Variants in LOC400499 observed in about 807,000 individuals in gnomAD.
At chr16:11,497,294 G>T in the LOC400499 span, among the ~76,000 whole-genome samples, 73 of 152,330 alleles carry the variant, frequency 4.8e-4, no homozygotes, top group African/African-American at 1.8e-3. Context: ...TTTGTGAAAG[G>T]ACAGGGGTGT....
the LOC400499 span, among the ~76,000 whole-genome samples, chr16:11,397,420 C>T: frequency 3.3e-5 from 5 of 152,226 alleles, no homozygotes; most frequent in African/African-American, 9.6e-5. Flanking sequence ...ACTACAGGCA[C>T]GTGCCACCGT....
the LOC400499 span, chr16:11,446,879 G>A: frequency 2.7e-3 from 4,147 of 1,535,898 alleles, 6 homozygotes; most frequent in Middle Eastern, 3.4e-3. Flanking sequence ...TGCAGGAGGA[G>A]GCTCTGCGGG....
the LOC400499 span, chr16:11,417,797 A>G: frequency 5.0e-6 from 2 of 398,984 alleles, no homozygotes; most frequent in Non-Finnish European, 8.8e-6. Context: ...ATGCGTCCAG[A>G]ATGCTCGAAG....
At chr16:11,515,884 C>CCCCCCCCCCCCCCCCCCCAA in the LOC400499 span, 2 of 40,212 alleles carry the variant, frequency 5.0e-5, no homozygotes, top group Non-Finnish European at 1.2e-4. Flanking sequence ...CAGCCCAGCC[C>CCCCCCCCCCCCCCCCCCCAA]AGCCCAGCCT....
chr16:11,501,852 T>G, the LOC400499 span, among the ~76,000 whole-genome samples: 1 of 152,146 alleles, frequency 6.6e-6, no homozygotes, highest in African/African-American at 2.4e-5. Flanking sequence ...GCTTCTGGTC[T>G]CAGGCAGGAT....
At chr16:11,396,718 C>T in the LOC400499 span, 2 of 1,227,722 alleles carry the variant, frequency 1.6e-6, no homozygotes, top group Non-Finnish European at 2.0e-6. Context: ...ACAGGGGTGG[C>T]AGCTTCCTCT....
chr16:11,515,882 CCCAG>C, the LOC400499 span: 2 of 37,750 alleles, frequency 5.3e-5, no homozygotes, highest in Non-Finnish European at 6.4e-5. Flanking sequence ...CCCAGCCCAG[CCCAG>C]CCCAGCCTAG....
the LOC400499 span, chr16:11,384,836 T>A: frequency 8.1e-7 from 1 of 1,229,300 alleles, no homozygotes; most frequent in Non-Finnish European, 1.0e-6. Flanking sequence ...AAGGGGTGCA[T>A]CCCAAAGAGT....
At chr16:11,466,678 C>T in the LOC400499 span, among the ~76,000 whole-genome samples, 3 of 151,820 alleles carry the variant, frequency 2.0e-5, no homozygotes, top group Non-Finnish European at 4.4e-5. Flanking sequence ...CGTGAGCCAC[C>T]GCACCTGGCC....
chr16:11,462,222 C>G, the LOC400499 span: 4 of 1,534,090 alleles, frequency 2.6e-6, no homozygotes, highest in Non-Finnish European at 2.6e-6. Flanking sequence ...ACGGGGCTGC[C>G]CCCCGTCACC....
the LOC400499 span, among the ~76,000 whole-genome samples, chr16:11,502,937 T>TTTTTTTA: frequency 2.3e-4 from 34 of 146,322 alleles, no homozygotes; most frequent in African/African-American, 7.6e-4. Context: ...TTTTTTTTTT[T>TTTTTTTA]AAGAGACAGG....
At chr16:11,489,771 G>A in the LOC400499 span, among the ~76,000 whole-genome samples, 1 of 152,194 alleles carries the variant, frequency 6.6e-6, no homozygotes, top group Non-Finnish European at 1.5e-5. Flanking sequence ...AGGCAGAGAG[G>A]TGTATCTTCC....
the LOC400499 span, among the ~76,000 whole-genome samples, chr16:11,513,484 T>G: frequency 1.2e-4 from 19 of 152,118 alleles, no homozygotes; most frequent in East Asian, 3.3e-3. Context: ...CAGGCTGAAG[T>G]GCAGTGGCAT....
chr16:11,445,024 G>A, the LOC400499 span, among the ~76,000 whole-genome samples: 1 of 152,030 alleles, frequency 6.6e-6, no homozygotes, highest in Admixed American at 6.6e-5. Flanking sequence ...AGGAGGACAA[G>A]GCTACAGTGA....
At chr16:11,425,267 G>C in the LOC400499 span, 1 of 399,082 alleles carries the variant, frequency 2.5e-6, no homozygotes, top group Non-Finnish European at 4.4e-6. Flanking sequence ...TCCTCGTCTG[G>C]GCCTGCAGCC....
At chr16:11,491,995 C>T in the LOC400499 span, 3 of 394,494 alleles carry the variant, frequency 7.6e-6, no homozygotes, top group East Asian at 3.6e-5. Flanking sequence ...ACACACTCAC[C>T]TGTGGCGCAG....
the LOC400499 span, among the ~76,000 whole-genome samples, chr16:11,380,034 T>C: frequency 6.6e-6 from 1 of 152,278 alleles, no homozygotes; most frequent in South Asian, 2.1e-4. Context: ...CACAGCTCAA[T>C]GTAACCTCAA....
the LOC400499 span, among the ~76,000 whole-genome samples, chr16:11,433,884 T>A: frequency 6.6e-6 from 1 of 152,230 alleles, no homozygotes; most frequent in Non-Finnish European, 1.5e-5. Flanking sequence ...TCCATCTGGC[T>A]GTTCTCAAAT....
the LOC400499 span, chr16:11,383,554 C>G: frequency 8.3e-7 from 1 of 1,199,132 alleles, no homozygotes; most frequent in Non-Finnish European, 1.0e-6. Flanking sequence ...ATTTGTCCTC[C>G]CTGGTGAGAG....
Sources: allele counts gnomAD v4.1 joint callset (sites outside exome capture counted in the v4.1 genomes callset), GRCh38; gene constraint gnomAD v4.1.1; transcripts MANE v1.5.